Variants in ZFHX3 observed in about 807,000 individuals in gnomAD.
ZFHX3 encodes the protein zinc finger homeobox 3, also known as zinc finger homeobox protein 3.
In ZFHX3, 42 loss-of-function variants were observed where a neutral mutation model predicts 279.1. That is an observed-to-expected ratio of 0.15 (90% CI 0.12 to 0.19). The LOEUF is 0.19. Ranked by LOEUF, ZFHX3 falls within the 10% of genes least tolerant of loss-of-function variation. The pLI is 1.00. For synonymous variants in ZFHX3, 2,293 were observed against 1,957.8 expected, an observed-to-expected ratio of 1.17 and a Z score of -4.52; for missense variants, 4,981 against 4,754.0, an observed-to-expected ratio of 1.05 and a Z score of -1.40.
intron 3 of ZFHX3, among the ~76,000 whole-genome samples, chr16:72,896,815 G>A (rs1187623295): frequency 6.6e-6 from 1 of 152,190 alleles, no homozygotes; most frequent in African/African-American, 2.4e-5. Flanking sequence ...TATTGATCAG[G>A]TTTTGTCAAA....
At chr16:73,703,879 G>C (rs1419935516) in intron 1 of ZFHX3, among the ~76,000 whole-genome samples, 1 of 152,100 alleles carries the variant, frequency 6.6e-6, no homozygotes, top group African/African-American at 2.4e-5. Flanking sequence ...TAAAAGTAGG[G>C]GAATAAAAAG....
intron 4 of ZFHX3, among the ~76,000 whole-genome samples, chr16:72,859,419 G>T (rs1200197189): frequency 2.0e-5 from 3 of 152,140 alleles, no homozygotes; most frequent in Admixed American, 2.0e-4. Context: ...GCCGCAAGGG[G>T]GCAAGAGACA....
intron 6 of ZFHX3, among the ~76,000 whole-genome samples, chr16:73,140,564 C>T (rs1173776622): frequency 6.6e-6 from 1 of 152,028 alleles, no homozygotes; most frequent in Admixed American, 6.6e-5. Context: ...ATACCTGAAA[C>T]AAATGGGGAG....
intron 3 of ZFHX3, among the ~76,000 whole-genome samples, chr16:73,425,412 A>T (rs1285806486): frequency 6.6e-6 from 1 of 152,214 alleles, no homozygotes; most frequent in Non-Finnish European, 1.5e-5. Flanking sequence ...TAATACCCCA[A>T]GTTTTATAAT....
At chr16:73,329,011 G>A (rs781411146) in intron 3 of ZFHX3, among the ~76,000 whole-genome samples, 1 of 152,186 alleles carries the variant, frequency 6.6e-6, no homozygotes, top group African/African-American at 2.4e-5. Flanking sequence ...TTTCCTCTAG[G>A]ACTGTTGGTC....
At chr16:73,624,297 G>A (rs1343887227) in intron 2 of ZFHX3, among the ~76,000 whole-genome samples, 1 of 152,130 alleles carries the variant, frequency 6.6e-6, no homozygotes, top group African/African-American at 2.4e-5. Context: ...ATGCACCAAT[G>A]TTTATGTTTA....
chr16:73,759,614 A>G (rs72803142), intron 1 of ZFHX3, among the ~76,000 whole-genome samples: 3,592 of 152,316 alleles, frequency 0.024, 66 homozygotes, highest in Middle Eastern at 0.044. Flanking sequence ...TAGGTGAGAT[A>G]AACTCTTTAA....
intron 1 of ZFHX3, among the ~76,000 whole-genome samples, chr16:73,768,997 ACAAATATGCCCCATGCCATATTTGGGG>A (rs1232631818): frequency 6.6e-6 from 1 of 152,106 alleles, no homozygotes; most frequent in Non-Finnish European, 1.5e-5. Context: ...CATTTTTGGT[ACAAATATGCCCCATGCCATATTTGGGG>A]CATGTACTTA....
chr16:73,881,325 G>A (rs145698802), intron 1 of ZFHX3, among the ~76,000 whole-genome samples: 110 of 152,184 alleles, frequency 7.2e-4, no homozygotes, highest in African/African-American at 2.6e-3. Flanking sequence ...ATTCTCTTAT[G>A]TTTCTGCATC....
Position 72,794,671 on chromosome 16 carries a change from A to C in ZFHX3, c.8011T>G (p.Leu2671Val). ...LLDSNPTRKM[L>V]DHIAHEVGLK... Reference sequence around the variant, plus strand: ...CCCACCTCGTGTGCAATGTGATCCAACATCTTTCGAGTCGGATTGGAATCC... The same window carrying C: ...CCCACCTCGTGTGCAATGTGATCCACCATCTTTCGAGTCGGATTGGAATCC... Residue 2671 changes from leucine (L) to valine (V), a missense_variant, in exon 9 of 10, where the codon TTG becomes GTG. Physicochemically the swap from Leu to Val is conservative, Grantham distance 32. Transcript: ENST00000268489. This position sits in a 1 kb window ranked among gnomAD's most constrained non-coding sequence, Gnocchi z 4.2. 1 of 1,614,220 alleles carries C rather than the reference A, an allele frequency of 6.2e-7. No individual in the cohort carries two copies. The highest frequency in any genetic ancestry group is 8.5e-7 in the Non-Finnish European group (1 of 1,180,038).
At chr16:73,555,900 G>A (rs1345379359) in intron 2 of ZFHX3, among the ~76,000 whole-genome samples, 2 of 152,142 alleles carry the variant, frequency 1.3e-5, no homozygotes, top group South Asian at 4.1e-4. Flanking sequence ...ATATGGGAGG[G>A]GGCCCAAAGC....
chr16:73,023,838 C>T (rs1964399840), intron 1 of ZFHX3, among the ~76,000 whole-genome samples: 1 of 152,206 alleles, frequency 6.6e-6, no homozygotes, highest in African/African-American at 2.4e-5. Flanking sequence ...CCAAAGGCCA[C>T]GTGGCTCCAT....
At chr16:73,280,827 C>A (rs1046079055) in intron 4 of ZFHX3, among the ~76,000 whole-genome samples, 2 of 151,792 alleles carry the variant, frequency 1.3e-5, no homozygotes, top group African/African-American at 4.8e-5. Flanking sequence ...ACTAAAAATA[C>A]AAAAAATGAT....
At chr16:73,223,120 G>A (rs949009923) in intron 5 of ZFHX3, among the ~76,000 whole-genome samples, 3 of 152,036 alleles carry the variant, frequency 2.0e-5, no homozygotes, top group Admixed American at 6.6e-5. Context: ...AAAACTCCTA[G>A]ATAACAACAT....
At chr16:72,812,555 T>G (rs2036490585) in intron 5 of ZFHX3, among the ~76,000 whole-genome samples, 1 of 152,196 alleles carries the variant, frequency 6.6e-6, no homozygotes, top group African/African-American at 2.4e-5. Context: ...AAGGTTCACA[T>G]GAGTATCAGC....
intron 3 of ZFHX3, among the ~76,000 whole-genome samples, chr16:73,355,758 T>C (rs757665124): frequency 1.3e-5 from 2 of 152,152 alleles, no homozygotes; most frequent in Non-Finnish European, 2.9e-5. Context: ...TCTCAGACTA[T>C]GTACAAAGGT....
chr16:73,437,133 T>C (rs2018012413), intron 3 of ZFHX3, among the ~76,000 whole-genome samples: 1 of 152,178 alleles, frequency 6.6e-6, no homozygotes, highest in African/African-American at 2.4e-5. Flanking sequence ...AATATTAGGA[T>C]GGTGCAAAAG....
chr16:73,561,974 G>A (rs147366094), intron 2 of ZFHX3, among the ~76,000 whole-genome samples: 14 of 152,266 alleles, frequency 9.2e-5, no homozygotes, highest in African/African-American at 3.4e-4. Context: ...GGAAGAAAGT[G>A]CTGAAATAGA....
At chr16:73,738,564 A>C (rs2053627694) in intron 1 of ZFHX3, among the ~76,000 whole-genome samples, 1 of 152,238 alleles carries the variant, frequency 6.6e-6, no homozygotes, top group Non-Finnish European at 1.5e-5. Flanking sequence ...CTGAATGATG[A>C]AGGAATGATT....
Sources: gnomAD v4.1 joint callset for allele counts (sites outside exome capture counted in the v4.1 genomes callset) on GRCh38, gnomAD v4.1.1 for gene constraint, Gnocchi (gnomAD v3.1) non-coding constraint, MANE v1.5 for transcripts, NCBI Gene and HGNC (gene_info 2026-07-23, HGNC 2026-07-21) for gene names.